Variants in ZBTB20 observed in about 807,000 individuals in gnomAD.
ZBTB20 encodes the protein zinc finger and BTB domain-containing protein 20.
In ZBTB20, 9 loss-of-function variants were observed where a neutral mutation model predicts 56.9. The observed-to-expected ratio is 0.16, with a 90% CI of 0.10 to 0.28. The LOEUF (loss-of-function observed/expected upper bound fraction) is 0.28. Among genes scored for constraint, ZBTB20 ranks in the 10% least tolerant of loss-of-function variants. The pLI, the probability that ZBTB20 is intolerant of heterozygous loss-of-function variation, is 1.00. For missense variants in ZBTB20, 655 were observed against 1,003.0 expected (o/e 0.65, Z 4.69); for synonymous variants, 417 against 420.7 (o/e 0.99, Z 0.11).
At chr3:115,112,668 G>A (rs2108629399) in intron 1 of ZBTB20, among the ~76,000 whole-genome samples, 1 of 152,258 alleles carries the variant, frequency 6.6e-6, no homozygotes, top group South Asian at 2.1e-4. Flanking sequence ...TTCATTGTGT[G>A]TATATATGCC....
chr3:114,595,447 C>A (rs2056231401), intron 6 of ZBTB20, among the ~76,000 whole-genome samples: 1 of 152,174 alleles, frequency 6.6e-6, no homozygotes, highest in South Asian at 2.1e-4. Flanking sequence ...ACCTTAAAAT[C>A]TATGGTATAT....
intron 4 of ZBTB20, among the ~76,000 whole-genome samples, chr3:114,834,054 C>A (rs1412719658): frequency 2.0e-5 from 3 of 151,940 alleles, no homozygotes; most frequent in Non-Finnish European, 4.4e-5. Context: ...ATAGTAAGGA[C>A]AAAGAAAACC....
intron 4 of ZBTB20, among the ~76,000 whole-genome samples, chr3:114,809,973 G>C (rs988416453): frequency 6.6e-6 from 1 of 152,080 alleles, no homozygotes; most frequent in African/African-American, 2.4e-5. Context: ...TTTCGTTTTT[G>C]AGCTGGGACT....
chr3:114,477,489 C>CTTTTTTTT (rs765333264), intron 7 of ZBTB20, among the ~76,000 whole-genome samples: 2 of 109,266 alleles, frequency 1.8e-5, no homozygotes, highest in Non-Finnish European at 3.7e-5. Context: ...GTTCCCTGCA[C>CTTTTTTTT]TTTTTTTTTT....
At chr3:114,697,370 A>G (rs1185330793) in intron 5 of ZBTB20, among the ~76,000 whole-genome samples, 1 of 152,070 alleles carries the variant, frequency 6.6e-6, no homozygotes, top group African/African-American at 2.4e-5. Flanking sequence ...AAATTAACCC[A>G]TCATACAGGT....
rs535900789 is a variant in ZBTB20, at chr3:114,888,955, C to T, written c.-417+11349G>A. Among the ~76,000 whole-genome samples, 365 of 151,874 alleles carry T rather than the reference C, an allele frequency of 2.4e-3. 1 individual carries two copies. The highest frequency in any genetic ancestry group is 8.3e-3 in the African/African-American group (346 of 41,438). ...GTCCTACCTTATTTAATTTTTTTAC[C>T]TTTAAAAAGTCATAACCTGTGGTAT... On this transcript the variant is annotated intron_variant, in intron 4 of 11. Transcript: ENST00000675478.
At chr3:114,495,082 CATTCCTT>C (rs998880612) in intron 7 of ZBTB20, among the ~76,000 whole-genome samples, 27 of 152,170 alleles carry the variant, frequency 1.8e-4, no homozygotes, top group African/African-American at 5.8e-4. Flanking sequence ...TGGACTGTAT[CATTCCTT>C]TTGGAACTTA....
chr3:114,783,666 G>T lies in ZBTB20; in HGVS notation c.-343+17435C>A, dbSNP rs550427881. ...AAAATTAGCTGGGCTGGTGACACGT[G>T]CCTGTAATCCCAGCTACTCAGGAGG... is the stretch of plus-strand genomic sequence containing the variant. On this transcript the variant is annotated intron_variant, in intron 5 of 11. Coordinates refer to ENST00000675478, the MANE Select transcript of ZBTB20 (RefSeq NM_001348800.3). Among the ~76,000 whole-genome samples, 237 of 151,940 alleles carry T rather than the reference G, an allele frequency of 1.6e-3. 1 individual carries two copies. Among genetic ancestry groups the T allele is most frequent in the African/African-American group, 5.5e-3 (226 of 41,430 alleles).
At chr3:115,076,830 A>G (rs2082613903) in intron 1 of ZBTB20, among the ~76,000 whole-genome samples, 1 of 152,186 alleles carries the variant, frequency 6.6e-6, no homozygotes, top group Admixed American at 6.5e-5. Flanking sequence ...GTGGAAGACA[A>G]TTTATCCAAG....
At chr3:114,588,734 C>T (rs942167417) in intron 6 of ZBTB20, among the ~76,000 whole-genome samples, 2 of 152,162 alleles carry the variant, frequency 1.3e-5, no homozygotes, top group African/African-American at 4.8e-5. Flanking sequence ...CTGCTGCATA[C>T]CACCAGGGCA....
rs558000269 is a variant in ZBTB20, at chr3:114,796,051, G to C, written c.-343+5050C>G. Among the ~76,000 whole-genome samples, 130 of 152,124 alleles carry C rather than the reference G, an allele frequency of 8.5e-4. 1 individual carries two copies. Among genetic ancestry groups the C allele is most frequent in the African/African-American group, 3.1e-3 (128 of 41,536 alleles). ...GAGCTGTTGTGACAAGCTACCACAA[G>C]CTTGTTGGCTTATAAATAATACCCA... On this transcript the variant is annotated intron_variant, in intron 5 of 11. Transcript: ENST00000675478.
chr3:115,102,906 A>C (rs892822399), intron 1 of ZBTB20: 1 of 152,140 alleles, frequency 6.6e-6, no homozygotes, highest in African/African-American at 2.4e-5. Context: ...TGGAGGCTGC[A>C]GTGAACCAAG....
Position 114,516,163 on chromosome 3 carries a change from T to C in ZBTB20, c.-294-15772A>G, listed in dbSNP as rs1327259286. 1.3e-5 allele frequency among the ~76,000 whole-genome samples: 2 copies of C among 152,194 alleles called. 1 individual carries two copies. Among genetic ancestry groups the C allele is most frequent in the Non-Finnish European group, 2.9e-5 (2 of 68,032 alleles). The stretch of plus-strand genomic sequence containing the variant: ...TCATCCTTGCTATACTCATTTACCA[T>C]TCAATAAGTTTTGCCTTATATGTTG... On this transcript the variant is annotated intron_variant, in intron 6 of 11. Coordinates refer to ENST00000675478, the MANE Select transcript of ZBTB20 (RefSeq NM_001348800.3).
intron 7 of ZBTB20, among the ~76,000 whole-genome samples, chr3:114,460,831 T>C (rs1265849097): frequency 6.6e-6 from 1 of 152,220 alleles, no homozygotes; most frequent in African/African-American, 2.4e-5. Flanking sequence ...AAAATTATTT[T>C]AGCAGATATA....
intron 4 of ZBTB20, among the ~76,000 whole-genome samples, chr3:114,801,463 A>T (rs1450765822): frequency 6.6e-6 from 1 of 151,564 alleles, no homozygotes; most frequent in Non-Finnish European, 1.5e-5. Flanking sequence ...TAATGATATG[A>T]CTAGAAACTC....
chr3:114,858,511 CT>C (rs2075347859), intron 4 of ZBTB20, among the ~76,000 whole-genome samples: 1 of 151,272 alleles, frequency 6.6e-6, no homozygotes, highest in East Asian at 1.9e-4. Context: ...GCAGTTTCTA[CT>C]TGTGCGTGTA....
At chr3:114,502,590 G>C (rs544847734) in intron 6 of ZBTB20, among the ~76,000 whole-genome samples, 35 of 152,150 alleles carry the variant, frequency 2.3e-4, no homozygotes, top group Non-Finnish European at 4.9e-4. Flanking sequence ...ATTAGATTAT[G>C]TATGATTCAT....
intron 2 of ZBTB20, among the ~76,000 whole-genome samples, chr3:115,070,340 T>A (rs1351914734): frequency 6.6e-6 from 1 of 152,172 alleles, no homozygotes; most frequent in African/African-American, 2.4e-5. Flanking sequence ...GAACTCATAT[T>A]TTATCAGTTT....
At chr3:114,615,760 G>A (rs2057893660) in intron 6 of ZBTB20, among the ~76,000 whole-genome samples, 1 of 152,188 alleles carries the variant, frequency 6.6e-6, no homozygotes, top group South Asian at 2.1e-4. Context: ...TAGACACAAA[G>A]ATAGAAACAT....
Sources: allele counts gnomAD v4.1 joint callset (sites outside exome capture counted in the v4.1 genomes callset), GRCh38; gene constraint gnomAD v4.1.1; transcripts MANE v1.5; gene names NCBI Gene and HGNC (gene_info 2026-07-23, HGNC 2026-07-21).